Variants in AGPS observed in about 807,000 individuals in gnomAD.
AGPS encodes alkyldihydroxyacetonephosphate synthase, peroxisomal.
Under a neutral mutation model 90.7 loss-of-function variants are expected in AGPS, and 26 were observed. That is an observed-to-expected ratio of 0.29 (90% CI 0.21 to 0.40). AGPS has a LOEUF of 0.40. Among genes scored for constraint, AGPS ranks in the 10% least tolerant of loss-of-function variants. The pLI, the probability that AGPS is intolerant of heterozygous loss-of-function variation, is 1.00. For synonymous variants in AGPS, 294 were observed against 285.3 expected (o/e 1.03, Z -0.31); for missense variants, 540 against 816.1 (o/e 0.66, Z 4.12).
At chr2:177,484,338 G>C (rs76622396) in intron 11 of AGPS, among the ~76,000 whole-genome samples, 17,987 of 151,746 alleles carry the variant, frequency 0.12, 1,295 homozygotes, top group East Asian at 0.35. Context: ...CCCACAAAAA[G>C]TGTGGTTTTT....
At chr2:177,417,797 C>A (rs537491048) in intron 1 of AGPS, among the ~76,000 whole-genome samples, 1 of 151,984 alleles carries the variant, frequency 6.6e-6, no homozygotes, top group South Asian at 2.1e-4. Flanking sequence ...GCTGTAATAC[C>A]GTTCAAAATA....
intron 8 of AGPS, among the ~76,000 whole-genome samples, chr2:177,456,329 A>G (rs1485373988): frequency 6.6e-6 from 1 of 152,254 alleles, no homozygotes; most frequent in Non-Finnish European, 1.5e-5. Context: ...GATCTTAGAT[A>G]CCATTTATTA....
intron 12 of AGPS, among the ~76,000 whole-genome samples, chr2:177,494,226 G>A (rs1441601419): frequency 6.6e-6 from 1 of 152,154 alleles, no homozygotes; most frequent in East Asian, 1.9e-4. Context: ...ATTTAGGGAA[G>A]CATGGTTATA....
rs1685059625 is a variant in AGPS at position 177,392,895 on chromosome 2, C to T, written c.106C>T (p.Arg36Trp). ...DRDPDPDRAG[R>W]RLRVLSGHLL... ...GGACCCGGACCCGGACCGCGCCGGGCGGAGGCTGCGGGTTCTCTCTGGCCA... is the reference window on the plus strand; with the variant it reads ...GGACCCGGACCCGGACCGCGCCGGGTGGAGGCTGCGGGTTCTCTCTGGCCA... The change falls in exon 1 of 20, where the codon CGG becomes TGG. Residue 36 changes from arginine to tryptophan, a missense_variant. Arg to Trp is a moderately radical substitution (Grantham distance 101, BLOSUM62 -3). Coordinates refer to ENST00000264167, the MANE Select transcript of AGPS (RefSeq NM_003659.4). 2 of 1,550,370 alleles carry T rather than the reference C, an allele frequency of 1.3e-6. No homozygotes were observed. Among genetic ancestry groups the T allele is most frequent in the Non-Finnish European group, 1.7e-6 (2 of 1,147,500 alleles).
chr2:177,461,874 T>TAAC lies in AGPS; in HGVS notation c.871-19_871-18insAAC. 6.2e-7 allele frequency: 1 copy of TAAC among 1,605,672 alleles called. No homozygotes were observed. Among genetic ancestry groups the TAAC allele is most frequent in the African/African-American group, 1.3e-5 (1 of 74,716 alleles). ...ATGGGACCATTTTCACTGTAAAATG[T>TAAC]TAAATTTTTGTTTTTCAGCTTAAAG... On this transcript the variant is annotated intron_variant, in intron 8 of 19. Coordinates refer to ENST00000264167, the MANE Select transcript of AGPS (RefSeq NM_003659.4).
chr2:177,463,752 C>T (rs1687367008), intron 9 of AGPS, among the ~76,000 whole-genome samples: 1 of 151,884 alleles, frequency 6.6e-6, no homozygotes, highest in African/African-American at 2.4e-5. Flanking sequence ...GATCCTTTTG[C>T]TATTGGATTA....
At chr2:177,418,022 A>G (rs556391654) in intron 1 of AGPS, among the ~76,000 whole-genome samples, 31 of 152,232 alleles carry the variant, frequency 2.0e-4, no homozygotes, top group Middle Eastern at 3.4e-3. Flanking sequence ...TTTTAATTGT[A>G]TATGATTTAT....
intron 2 of AGPS, among the ~76,000 whole-genome samples, chr2:177,432,384 T>G (rs926083932): frequency 2.6e-5 from 4 of 152,226 alleles, no homozygotes; most frequent in African/African-American, 9.6e-5. Flanking sequence ...TTGGTATAAG[T>G]GCTTAACTTT....
At chr2:177,520,612 A>G (rs1212187489) in intron 17 of AGPS, among the ~76,000 whole-genome samples, 1 of 152,212 alleles carries the variant, frequency 6.6e-6, no homozygotes, top group Non-Finnish European at 1.5e-5. Context: ...ACGCTCTTGA[A>G]AAGTAATGGA....
intron 8 of AGPS, among the ~76,000 whole-genome samples, chr2:177,458,789 A>G (rs1220449948): frequency 6.6e-6 from 1 of 152,200 alleles, no homozygotes; most frequent in Admixed American, 6.5e-5. Context: ...CCATCAAGCT[A>G]CCACTTACTT....
At chr2:177,417,782 G>A (rs182921312) in intron 1 of AGPS, among the ~76,000 whole-genome samples, 15 of 152,224 alleles carry the variant, frequency 9.9e-5, no homozygotes, top group Admixed American at 6.5e-4. Flanking sequence ...ATTTTAAAAT[G>A]TTATGCTGTA....
At chr2:177,515,429 GT>G (rs551091143) in intron 17 of AGPS, among the ~76,000 whole-genome samples, 201 of 152,014 alleles carry the variant, frequency 1.3e-3, no homozygotes, top group African/African-American at 4.6e-3. Context: ...TTATTCCTTT[GT>G]TTTTTTGAAT....
chr2:177,484,407 G>A (rs1240814812), intron 11 of AGPS, among the ~76,000 whole-genome samples: 1 of 149,782 alleles, frequency 6.7e-6, no homozygotes, highest in African/African-American at 2.5e-5. Context: ...GCAATGGCGC[G>A]ATCTCGATGC....
intron 2 of AGPS, among the ~76,000 whole-genome samples, chr2:177,424,097 G>C (rs1686010612): frequency 1.3e-5 from 2 of 152,016 alleles, no homozygotes; most frequent in South Asian, 4.2e-4. Flanking sequence ...TGTTTTTCCT[G>C]ATGCTCTCCC....
intron 8 of AGPS, among the ~76,000 whole-genome samples, chr2:177,458,186 A>G (rs1687176757): frequency 6.6e-6 from 1 of 152,224 alleles, no homozygotes; most frequent in Non-Finnish European, 1.5e-5. Context: ...GATGGAACGT[A>G]TCTCAAAATA....
chr2:177,519,967 C>A (rs1347817590), intron 17 of AGPS, among the ~76,000 whole-genome samples: 1 of 152,202 alleles, frequency 6.6e-6, no homozygotes, highest in Non-Finnish European at 1.5e-5. Context: ...TTATTCATGC[C>A]TCCCCTTTTT....
chr2:177,422,044 C>G (rs1685955169), intron 2 of AGPS, among the ~76,000 whole-genome samples: 2 of 152,064 alleles, frequency 1.3e-5, no homozygotes, highest in African/African-American at 4.8e-5. Flanking sequence ...TAAAACATCA[C>G]AGGTAATTAT....
chr2:177,434,478 T>A, intron 3 of AGPS, 61 bp downstream of exon 3: 1 of 1,237,964 alleles, frequency 8.1e-7, no homozygotes, highest in Non-Finnish European at 1.2e-6. Flanking sequence ...CAAATTAATT[T>A]GATTTATCTT....
intron 1 of AGPS, among the ~76,000 whole-genome samples, chr2:177,416,330 A>G (rs1026141123): frequency 2.6e-5 from 4 of 152,206 alleles, no homozygotes; most frequent in Non-Finnish European, 4.4e-5. Flanking sequence ...TACATCATGT[A>G]CATATCATGG....
Sources: gnomAD v4.1 joint callset for allele counts (sites outside exome capture counted in the v4.1 genomes callset) on GRCh38, gnomAD v4.1.1 for gene constraint, MANE v1.5 for transcripts, NCBI Gene and HGNC (gene_info 2026-07-23, HGNC 2026-07-21) for gene names.